The following NUP98 variants were observed in gnomAD, a reference collection of about 807,000 sequenced individuals.
NUP98 encodes the protein nuclear pore complex protein Nup98-Nup96.
A neutral mutation model predicts 191.9 loss-of-function variants in NUP98; 26 were observed. That is an observed-to-expected ratio of 0.14 (90% CI 0.10 to 0.19). The LOEUF is 0.19. Ranked by LOEUF, NUP98 falls within the 10% of genes least tolerant of loss-of-function variation. The pLI is 1.00. For synonymous variants in NUP98, 808 were observed against 778.4 expected (o/e 1.04, Z -0.63); for missense variants, 1,941 against 2,178.8 (o/e 0.89, Z 2.17).
chr11:3,735,329 T>TAAAAA lies in NUP98; in HGVS notation c.1409-10_1409-6dup. On this transcript the variant is annotated splice_region_variant and splice_polypyrimidine_tract_variant and intron_variant, in intron 12 of 32. Transcript: ENST00000324932. Reference sequence around the variant, plus strand: ...AAGCATTTGGATCTGTCAAAGCTTTTAAAAAAAAAAAAAGAAAACAAAATA... The same window carrying TAAAAA: ...AAGCATTTGGATCTGTCAAAGCTTTTAAAAAAAAAAAAAAAAAAGAAAACAAAATA... 9.3e-7 allele frequency: 1 copy of TAAAAA among 1,079,424 alleles called. No homozygotes were observed. The highest frequency in any genetic ancestry group is 1.2e-6 in the Non-Finnish European group (1 of 818,098). 66.9% of individuals were successfully genotyped at this position (1,079,424 alleles called of 1,614,324 possible).
At chr11:3,735,501 T>C (rs576799891) in intron 12 of NUP98, among the ~76,000 whole-genome samples, 177 bp from the exon 13 acceptor site, 1 of 151,744 alleles carries the variant, frequency 6.6e-6, no homozygotes, top group Non-Finnish European at 1.5e-5. Flanking sequence ...AAATCAAGAA[T>C]CAAATAAGCT....
In NUP98 at chr11:3,713,937, T is replaced by C. The variant is rs2079096148; in HGVS notation, c.2458A>G (p.Ile820Val). The change falls in exon 19 of 33, where the codon ATA (isoleucine) becomes GTA (valine). Residue 820 changes from isoleucine to valine, a missense_variant. Physicochemically the swap from Ile to Val is conservative, Grantham distance 29. Around this residue, in one of 6 missense-constraint regions of NUP98, gnomAD observed 95 missense variants for 139.7 expected, o/e 0.68. Transcript: ENST00000324932. ...WPTDKTSRCLIKSPDRLADIN... is the reference protein window; with the variant it reads ...WPTDKTSRCLVKSPDRLADIN... Reference sequence around the variant, plus strand: ...TCAGCAAGGCGATCTGGGCTCTTTATTAAACAACGAGATGTTTTATCTGTT... The same window carrying C: ...TCAGCAAGGCGATCTGGGCTCTTTACTAAACAACGAGATGTTTTATCTGTT... The C allele has an allele frequency of 1.2e-6, 2 of 1,614,166 alleles. No homozygotes were observed. Among genetic ancestry groups the C allele is most frequent in the East Asian group, 4.5e-5 (2 of 44,880 alleles).
In NUP98 at chr11:3,676,133, T is replaced by C. The variant is rs769403928; in HGVS notation, c.*26A>G. 7.6e-5 allele frequency: 122 copies of C among 1,605,632 alleles called. No individual in the cohort carries two copies. The highest frequency in any genetic ancestry group is 1.0e-4 in the Non-Finnish European group (121 of 1,174,276). ...CCTCTGTGTGGTGTGAATGGGCATG[T>C]GACTGTGATGCAAAGTGCCTGGGGC... On this transcript the variant is annotated 3_prime_UTR_variant, in exon 33 of 33. Transcript: ENST00000324932.
At chr11:3,762,880 A>T (rs1442287919) in intron 9 of NUP98, 22 bp downstream of exon 9, 2 of 1,608,466 alleles carry the variant, frequency 1.2e-6, no homozygotes. Context: ...TCTTCAAATT[A>T]CAGTCAACTG....
intron 19 of NUP98, among the ~76,000 whole-genome samples, chr11:3,713,535 A>G (rs2079082515): frequency 1.3e-5 from 2 of 152,174 alleles, no homozygotes. Flanking sequence ...CCTGGTCAAC[A>G]CTGAGAAACT....
intron 6 of NUP98, among the ~76,000 whole-genome samples, chr11:3,772,403 T>C (rs2081558424): frequency 1.3e-5 from 2 of 152,212 alleles, no homozygotes; most frequent in African/African-American, 4.8e-5. Flanking sequence ...AAGCAATCAC[T>C]ATAATCATGA....
rs569987333 is a variant in NUP98 at position 3,727,722 on chromosome 11, C to T, written c.1731-2503G>A. ...ACTATAAAGTAGGAACACGACTCTA[C>T]AGAAAATTTTTTAAATATCAGCCAG... On this transcript the variant is annotated intron_variant, in intron 14 of 32. Coordinates refer to ENST00000324932, the MANE Select transcript of NUP98 (RefSeq NM_016320.5). 4.7e-3 allele frequency among the ~76,000 whole-genome samples: 708 copies of T among 151,782 alleles called. 3 individuals carry two copies. Among genetic ancestry groups the T allele is most frequent in the African/African-American group, 0.016 (676 of 41,386 alleles).
At chr11:3,777,028 G>A (rs537763991) in intron 4 of NUP98, among the ~76,000 whole-genome samples, 20 of 152,274 alleles carry the variant, frequency 1.3e-4, no homozygotes, top group African/African-American at 4.8e-4. Context: ...GACTTCAAGA[G>A]TGGTCACAGT....
At chr11:3,712,514 A>T (rs377195304) in intron 20 of NUP98, 50 bp downstream of exon 20, 28 of 1,605,302 alleles carry the variant, frequency 1.7e-5, no homozygotes, top group Non-Finnish European at 2.2e-5. Flanking sequence ...ACTTGCTTTC[A>T]ACTTCGGTAT....
Position 3,712,046 on chromosome 11 carries a change from C to T in NUP98, c.2742+518G>A, listed in dbSNP as rs2079035930. 7 of 1,049,020 alleles carry T rather than the reference C, an allele frequency of 6.7e-6. No homozygotes were observed. The South Asian group carries it at 3.2e-4, about 48-fold the overall frequency. 65.0% of individuals were successfully genotyped at this position (1,049,020 alleles called of 1,614,324 possible). A position where few individuals can be genotyped will look rare whatever the true frequency, so the allele number is the denominator to read the frequency against. ...GCCAAATAATAATTCATTTACATTC[C>T]CAAACTATTTTTCATAAAGATTATG... On this transcript the variant is annotated intron_variant, in intron 20 of 32. Transcript: ENST00000324932.
At chr11:3,730,529 T>G (rs564451408) in intron 14 of NUP98, among the ~76,000 whole-genome samples, 6 of 152,162 alleles carry the variant, frequency 3.9e-5, no homozygotes, top group African/African-American at 1.4e-4. Context: ...CATGCCCAGC[T>G]AATTTTGTAT....
intron 28 of NUP98, among the ~76,000 whole-genome samples, chr11:3,689,940 A>ATTTTT (rs989043726): frequency 9.5e-5 from 7 of 73,574 alleles, no homozygotes; most frequent in African/African-American, 4.1e-4. Flanking sequence ...GCTGGCCTGC[A>ATTTTT]TTTTTTTTTT....
At chr11:3,685,852 C>G in intron 29 of NUP98, 121 bp downstream of exon 29, 2 of 744,094 alleles carry the variant, frequency 2.7e-6, no homozygotes, top group Non-Finnish European at 4.6e-6. Flanking sequence ...TTTATCACAA[C>G]GCTGGATCTA....
At chr11:3,779,582 G>A (rs1441742909) in intron 2 of NUP98, among the ~76,000 whole-genome samples, 4 of 151,562 alleles carry the variant, frequency 2.6e-5, no homozygotes, top group South Asian at 2.1e-4. Flanking sequence ...CAGAGGTTTC[G>A]GTGAGCCAAG....
chr11:3,796,416 T>G (rs1182677378), intron 1 of NUP98, among the ~76,000 whole-genome samples: 1 of 152,224 alleles, frequency 6.6e-6, no homozygotes, highest in Non-Finnish European at 1.5e-5. Flanking sequence ...AGGGAAACAA[T>G]GGCTTGTAGT....
At chr11:3,703,460 C>G (rs1195848035) in intron 22 of NUP98, among the ~76,000 whole-genome samples, 1 of 152,158 alleles carries the variant, frequency 6.6e-6, no homozygotes, top group Non-Finnish European at 1.5e-5. Context: ...TCGTGATCCA[C>G]CTGCCTCAGC....
intron 8 of NUP98, among the ~76,000 whole-genome samples, chr11:3,767,812 C>T (rs754820931): frequency 6.4e-4 from 96 of 151,006 alleles, no homozygotes; most frequent in Non-Finnish European, 1.1e-3. Context: ...TCGTAGGTCT[C>T]CCTTTAAAAA....
intron 1 of NUP98, among the ~76,000 whole-genome samples, chr11:3,794,437 C>G (rs529093723): frequency 3.3e-5 from 5 of 152,280 alleles, no homozygotes; most frequent in African/African-American, 1.2e-4. Flanking sequence ...TCTCCTCCCT[C>G]AGCCTCCCGA....
At chr11:3,687,303 G>A (rs12362156) in intron 28 of NUP98, among the ~76,000 whole-genome samples, 79,928 of 151,916 alleles carry the variant, frequency 0.53, 21,902 homozygotes, top group Admixed American at 0.7. Context: ...TCAGATCTAC[G>A]AATTGCAAGT....
Sources: gnomAD v4.1 joint callset for allele counts (sites outside exome capture counted in the v4.1 genomes callset) on GRCh38, gnomAD v4.1.1 for gene constraint, gnomAD v4.1.1 regional missense constraint, MANE v1.5 for transcripts, NCBI Gene and HGNC (gene_info 2026-07-23, HGNC 2026-07-21) for gene names.